The following SPAG9 variants were observed in gnomAD, a reference collection of about 807,000 sequenced individuals.
The protein encoded by SPAG9 is C-Jun-amino-terminal kinase-interacting protein 4.
SPAG9 carries 35 observed loss-of-function variants against 166.5 expected under a neutral mutation model. That is an observed-to-expected ratio of 0.21 (90% confidence interval 0.16 to 0.28). The LOEUF (loss-of-function observed/expected upper bound fraction) is 0.28, where lower values mean the gene tolerates loss of function less well. Among genes scored for constraint, SPAG9 ranks in the 10% least tolerant of loss-of-function variants. The pLI is 1.00. For synonymous variants in SPAG9, 534 were observed against 565.5 expected (o/e 0.94, Z 0.79); for missense variants, 1,235 against 1,603.3 (o/e 0.77, Z 3.92).
chr17:51,108,203 A>T (rs1301371117), intron 1 of SPAG9, among the ~76,000 whole-genome samples: 1 of 151,992 alleles, frequency 6.6e-6, no homozygotes, highest in Admixed American at 6.6e-5. Context: ...CATGGTCAAC[A>T]TGGCAAAACC....
intron 10 of SPAG9, among the ~76,000 whole-genome samples, 159 bp downstream of exon 10, chr17:51,007,110 G>GGTGTGTGT (rs3075108): frequency 1.5e-4 from 22 of 145,988 alleles, no homozygotes; most frequent in Middle Eastern, 3.4e-3. Flanking sequence ...CCAACATTAG[G>GGTGTGTGT]GTGTGTGTGT....
intron 29 of SPAG9, among the ~76,000 whole-genome samples, chr17:50,969,533 T>C (rs1214802630): frequency 1.3e-5 from 2 of 152,108 alleles, no homozygotes; most frequent in African/African-American, 4.8e-5. Flanking sequence ...ATTGCTCCTA[T>C]AGTTCTCTTT....
At chr17:51,058,207 T>A (rs2144527978) in intron 2 of SPAG9, among the ~76,000 whole-genome samples, 1 of 152,344 alleles carries the variant, frequency 6.6e-6, no homozygotes, top group Admixed American at 6.5e-5. Context: ...CTTATTATTC[T>A]TGTCAGCTGA....
At chr17:51,084,228 A>G (rs2048246340) in intron 1 of SPAG9, 1 of 152,100 alleles carries the variant, frequency 6.6e-6, no homozygotes. Flanking sequence ...GTTAAATAGA[A>G]AAGCAGAAAC....
chr17:50,990,366 T>C, intron 20 of SPAG9, 84 bp downstream of exon 20: 1 of 1,042,160 alleles, frequency 9.6e-7, no homozygotes, highest in Non-Finnish European at 1.5e-6. Flanking sequence ...CCTTGTTACT[T>C]AAGATCTAAA....
intron 1 of SPAG9, among the ~76,000 whole-genome samples, chr17:51,094,202 T>C (rs1358324973): frequency 6.6e-6 from 1 of 152,186 alleles, no homozygotes; most frequent in African/African-American, 2.4e-5. Context: ...CAGTAAACTG[T>C]ATCCAGGCAC....
At chr17:51,092,751 CAAAAAAAA>C (rs200338786) in intron 1 of SPAG9, among the ~76,000 whole-genome samples, 7 of 54,168 alleles carry the variant, frequency 1.3e-4, no homozygotes, top group South Asian at 5.7e-4. Flanking sequence ...CTTGTCTCTA[CAAAAAAAA>C]AAAAAAAAGA....
At chr17:51,109,295 G>A (rs1422173429) in intron 1 of SPAG9, among the ~76,000 whole-genome samples, 1 of 151,530 alleles carries the variant, frequency 6.6e-6, no homozygotes, top group East Asian at 1.9e-4. Context: ...GGAGTGCCGT[G>A]GCACGATCTC....
At chr17:51,044,590 A>G (rs2046954645) in intron 4 of SPAG9, among the ~76,000 whole-genome samples, 1 of 152,244 alleles carries the variant, frequency 6.6e-6, no homozygotes, top group South Asian at 2.1e-4. Context: ...TAAAAGAAAA[A>G]GTACATTTGT....
At chr17:51,005,946 G>A in intron 11 of SPAG9, 139 bp downstream of exon 11, 3 of 800,644 alleles carry the variant, frequency 3.7e-6, no homozygotes, top group Non-Finnish European at 6.1e-6. Flanking sequence ...ATGGGCTGGG[G>A]CACTTTGCCC....
chr17:51,010,954 G>A (rs1041550670), intron 9 of SPAG9, among the ~76,000 whole-genome samples: 1 of 152,098 alleles, frequency 6.6e-6, no homozygotes, highest in Admixed American at 6.6e-5. Context: ...CAAAGTATCA[G>A]GCCTAGGACA....
rs190154590 is a variant in SPAG9 at position 51,108,938 on chromosome 17, C to A, written c.303+11416G>T. 2.4e-4 allele frequency among the ~76,000 whole-genome samples: 37 copies of A among 151,970 alleles called. No individual in the cohort carries two copies. The East Asian group carries it at 6.8e-3, about 28-fold the overall frequency. Reference sequence around the variant, plus strand: ...CTCCACCTCCCGGGTTCACATGATTCTCCTGCCTCAGCCTCCTGGGTTCAA... The same window carrying A: ...CTCCACCTCCCGGGTTCACATGATTATCCTGCCTCAGCCTCCTGGGTTCAA... On this transcript the variant is annotated intron_variant, in intron 1 of 29. Coordinates refer to ENST00000262013, the MANE Select transcript of SPAG9 (RefSeq NM_001130528.3).
rs1176924683 is a variant in SPAG9, at chr17:51,053,851, AAAAGTATAT to A, written c.495+2552_495+2560del. 6.3e-4 allele frequency among the ~76,000 whole-genome samples: 41 copies of A among 65,416 alleles called. 1 individual carries two copies. Among genetic ancestry groups the A allele is most frequent in the Admixed American group, 1.6e-3 (7 of 4,512 alleles). The allele number at this position is 65,416 out of a possible 152,430, so 42.9% of individuals were successfully genotyped here. On this transcript the variant is annotated intron_variant, in intron 3 of 29. Transcript: ENST00000262013. ...AGACCCTAATTAAAAAAAAAAAAAA[AAAAGTATAT>A]ATATATATATATATATATATATATA... is the stretch of plus-strand genomic sequence containing the variant.
intron 4 of SPAG9, among the ~76,000 whole-genome samples, chr17:51,044,337 G>A (rs753861112): frequency 4.0e-4 from 61 of 152,284 alleles, no homozygotes; most frequent in Non-Finnish European, 8.1e-4. Context: ...CTATCAAGTG[G>A]CAGATTTATA....
chr17:51,060,284 T>C (rs1159152201), intron 2 of SPAG9, among the ~76,000 whole-genome samples: 1 of 151,790 alleles, frequency 6.6e-6, no homozygotes, highest in East Asian at 1.9e-4. Flanking sequence ...GCAGGTGGAT[T>C]ACCTGGGCAA....
At position 51,120,723 on chromosome 17, in the gene SPAG9, G is replaced by A. The variant is rs1329220594; in HGVS notation, c.-67C>T. 7.2e-7 allele frequency: 1 copy of A among 1,388,660 alleles called. No homozygotes were observed. Among genetic ancestry groups the A allele is most frequent in the Non-Finnish European group, 9.7e-7 (1 of 1,031,288 alleles). The allele number at this position is 1,388,660 out of a possible 1,614,324, so 86.0% of individuals were successfully genotyped here. A position where few individuals can be genotyped will look rare whatever the true frequency, so the allele number is the denominator to read the frequency against. Reference sequence around the variant, plus strand: ...AGAGGGGCGGCACCTGCCCGCACGGGACGGACCCGACTCGGGCTGGGACGG... The same window carrying A: ...AGAGGGGCGGCACCTGCCCGCACGGAACGGACCCGACTCGGGCTGGGACGG... On this transcript the variant is annotated 5_prime_UTR_variant, in exon 1 of 30. Transcript: ENST00000262013. This position sits in a 1 kb window ranked among gnomAD's most constrained non-coding sequence, Gnocchi z 4.7.
intron 1 of SPAG9, among the ~76,000 whole-genome samples, chr17:51,090,516 A>T (rs2048436499): frequency 6.6e-6 from 1 of 152,124 alleles, no homozygotes; most frequent in Non-Finnish European, 1.5e-5. Flanking sequence ...AAAAAAAAAG[A>T]TTACATTCAT....
chr17:51,074,369 G>C (rs1214356388), intron 2 of SPAG9, among the ~76,000 whole-genome samples: 1 of 152,250 alleles, frequency 6.6e-6, no homozygotes, highest in Non-Finnish European at 1.5e-5. Context: ...AGTGAACCGA[G>C]ATGGTGCTAC....
intron 19 of SPAG9, among the ~76,000 whole-genome samples, chr17:50,992,105 C>A (rs1975620523): frequency 6.6e-6 from 1 of 151,604 alleles, no homozygotes; most frequent in African/African-American, 2.4e-5. Flanking sequence ...CCAGACTGGT[C>A]TCAAACTTCT....
Sources: allele counts gnomAD v4.1 joint callset (sites outside exome capture counted in the v4.1 genomes callset), GRCh38; gene constraint gnomAD v4.1.1; non-coding constraint Gnocchi (gnomAD v3.1); transcripts MANE v1.5; gene names NCBI Gene and HGNC (gene_info 2026-07-23, HGNC 2026-07-21).